Variants in NFYA observed in about 807,000 individuals in gnomAD.
NFYA encodes the protein nuclear transcription factor Y subunit alpha, also known as CAAT-box DNA binding protein subunit A.
In NFYA, 28 loss-of-function variants were observed where a neutral mutation model predicts 52.8. The observed-to-expected ratio is 0.53, with a 90% CI of 0.39 to 0.73. The LOEUF (loss-of-function observed/expected upper bound fraction) is 0.73, where lower values mean the gene tolerates loss of function less well. Among genes scored for constraint, NFYA ranks in the 30% least tolerant of loss-of-function variants. NFYA has a pLI of 0.00. For missense variants in NFYA, 234 were observed against 427.0 expected, an observed-to-expected ratio of 0.55 and a Z score of 3.98; for synonymous variants, 150 against 150.7, an observed-to-expected ratio of 1.00 and a Z score of 0.03.
chr6:41,094,320 A>G, intron 8 of NFYA, 76 bp from the exon 9 acceptor site: 4 of 1,251,460 alleles, frequency 3.2e-6, no homozygotes, highest in Non-Finnish European at 4.6e-6. Flanking sequence ...ACTTTGGAGA[A>G]TGGAATTTGT....
At chr6:41,095,201 T>G (rs1466604789) in intron 9 of NFYA, among the ~76,000 whole-genome samples, 1 of 152,196 alleles carries the variant, frequency 6.6e-6, no homozygotes, top group East Asian at 1.9e-4. Flanking sequence ...TAGACTGACA[T>G]CCAAAGTGCT....
chr6:41,090,552 G>A (rs1764173161), intron 6 of NFYA, among the ~76,000 whole-genome samples: 1 of 152,194 alleles, frequency 6.6e-6, no homozygotes, highest in African/African-American at 2.4e-5. Flanking sequence ...TAAGCTTTTA[G>A]GGAAGAAGTG....
rs1203696681 is a variant in NFYA, at chr6:41,101,042, T to C, written c.*3632T>C. On this transcript the variant is annotated 3_prime_UTR_variant, in exon 10 of 10. Coordinates refer to ENST00000341376, the MANE Select transcript of NFYA (RefSeq NM_002505.5). The stretch of plus-strand genomic sequence containing the variant: ...CAGCCATGGTGACCGGCGAGCGGCA[T>C]GCGACGCCGCCTCTGTGGCCTGTGG... The C allele has an allele frequency of 2.6e-5, 4 of 152,374 alleles. No individual in the cohort carries two copies. In the East Asian group the frequency reaches 7.7e-4, roughly 29 times the overall value. The allele number at this position is 152,374 out of a possible 1,614,324, so 9.4% of individuals were successfully genotyped here. A position where few individuals can be genotyped will look rare whatever the true frequency, so the allele number is the denominator to read the frequency against.
At chr6:41,090,404 C>A in intron 6 of NFYA, 95 bp downstream of exon 6, 1 of 646,368 alleles carries the variant, frequency 1.5e-6, no homozygotes, top group Non-Finnish European at 2.8e-6. Context: ...GTGAACTTGA[C>A]ACTACATATT....
At chr6:41,084,834 C>A (rs947477907) in intron 4 of NFYA, among the ~76,000 whole-genome samples, 2 of 152,118 alleles carry the variant, frequency 1.3e-5, no homozygotes, top group Non-Finnish European at 2.9e-5. Context: ...TGGTGGCACG[C>A]ACCTGTAATC....
intron 4 of NFYA, among the ~76,000 whole-genome samples, chr6:41,087,960 T>C (rs1404012682): frequency 6.6e-6 from 1 of 152,216 alleles, no homozygotes; most frequent in Non-Finnish European, 1.5e-5. Flanking sequence ...TATCCAATCC[T>C]AGGACCAAAT....
At chr6:41,082,624 A>G (rs190065825) in intron 3 of NFYA, among the ~76,000 whole-genome samples, 204 of 152,340 alleles carry the variant, frequency 1.3e-3, no homozygotes, top group Middle Eastern at 3.4e-3. Context: ...AGAAGTGGAA[A>G]CACTTTATGG....
At chr6:41,073,613 T>C (rs540391138) in intron 1 of NFYA, among the ~76,000 whole-genome samples, 1 of 151,766 alleles carries the variant, frequency 6.6e-6, no homozygotes, top group Non-Finnish European at 1.5e-5. Flanking sequence ...CTGCAGCCCC[T>C]CTAGGTCGGG....
In NFYA at chr6:41,084,458, A is replaced by G. The variant is rs76875019; in HGVS notation, c.309+266A>G. On this transcript the variant is annotated intron_variant, in intron 4 of 9. Coordinates refer to ENST00000341376, the MANE Select transcript of NFYA (RefSeq NM_002505.5). ...GAGGTTAGAATCTAGTTTATAGTAT[A>G]TTTTATTTTAAAAGAAACAAAAATG... Among the ~76,000 whole-genome samples the G allele has an allele frequency of 2.8e-3, 421 of 152,336 alleles. 6 individuals carry two copies. In the South Asian group the frequency reaches 0.037, roughly 13 times the overall value.
rs766068359 is a variant in NFYA, at chr6:41,099,953, T to G, written c.*2543T>G. Reference sequence around the variant, plus strand: ...TCATTGCAATTGTTATTTTTTAAAATAAATTTATAAAAATAACCGAAAAGT... The same window carrying G: ...TCATTGCAATTGTTATTTTTTAAAAGAAATTTATAAAAATAACCGAAAAGT... On this transcript the variant is annotated 3_prime_UTR_variant, in exon 10 of 10. Coordinates refer to ENST00000341376, the MANE Select transcript of NFYA (RefSeq NM_002505.5). 1.3e-4 allele frequency: 20 copies of G among 152,184 alleles called. No homozygotes were observed. The highest frequency in any genetic ancestry group is 1.5e-4 in the Non-Finnish European group (10 of 68,026). 9.4% of individuals were successfully genotyped at this position (152,184 alleles called of 1,614,324 possible).
At chr6:41,076,742 G>T (rs543985398) in intron 1 of NFYA, among the ~76,000 whole-genome samples, 4 of 152,180 alleles carry the variant, frequency 2.6e-5, no homozygotes, top group Admixed American at 1.3e-4. Flanking sequence ...ACTAAATCTG[G>T]CTTAGTTTGT....
rs551734913 is a variant in NFYA at position 41,102,108 on chromosome 6, G to C, written c.*4698G>C. 6.6e-6 allele frequency: 1 copy of C among 152,218 alleles called. No homozygotes were observed. The highest frequency in any genetic ancestry group is 1.5e-5 in the Non-Finnish European group (1 of 68,060). The allele number at this position is 152,218 out of a possible 1,614,324, so 9.4% of individuals were successfully genotyped here. ...CTTCAGTTATTACATTAGTGACATC[G>C]TGGAGCGTGAGTGATCATTGTAGGG... On this transcript the variant is annotated 3_prime_UTR_variant, in exon 10 of 10. Transcript: ENST00000341376.
intron 9 of NFYA, 101 bp downstream of exon 9, chr6:41,094,598 T>A: frequency 1.2e-6 from 1 of 806,536 alleles, no homozygotes. Flanking sequence ...ACTCTGGGAC[T>A]ACTCACATTC....
intron 4 of NFYA, among the ~76,000 whole-genome samples, chr6:41,088,651 C>A (rs1177536905): frequency 6.6e-6 from 1 of 151,658 alleles, no homozygotes; most frequent in Non-Finnish European, 1.5e-5. Context: ...TGGTGCGGAT[C>A]TTGGCTCACT....
At chr6:41,092,822 T>G in intron 7 of NFYA, 90 bp from the exon 8 acceptor site, 1 of 1,399,986 alleles carries the variant, frequency 7.1e-7, no homozygotes, top group African/African-American at 1.4e-5. Flanking sequence ...TTGTGGCATT[T>G]ACAAAAAAAA....
intron 1 of NFYA, chr6:41,075,356 T>C (rs1763705147): frequency 6.6e-6 from 1 of 152,342 alleles, no homozygotes; most frequent in South Asian, 2.1e-4. Context: ...TGACCTGAAA[T>C]AGATGTTTTA....
Position 41,097,442 on chromosome 6 carries a change from CAT to C in NFYA, c.*33_*34del. 6.2e-7 allele frequency: 1 copy of C among 1,607,996 alleles called. No homozygotes were observed. Among genetic ancestry groups the C allele is most frequent in the Non-Finnish European group, 8.5e-7 (1 of 1,174,984 alleles). ...GCCATGTGATGGAGCTGATCAAGGT[CAT>C]GTTTCTCACTGTTCCAGGAAATTGA... On this transcript the variant is annotated 3_prime_UTR_variant, in exon 10 of 10. Coordinates refer to ENST00000341376, the MANE Select transcript of NFYA (RefSeq NM_002505.5).
intron 6 of NFYA, 119 bp downstream of exon 6, chr6:41,090,428 A>T (rs1764169271): frequency 1.7e-6 from 1 of 590,618 alleles, no homozygotes; most frequent in Non-Finnish European, 3.1e-6. Flanking sequence ...TGGACAAAAA[A>T]AAAAAAGATT....
At chr6:41,091,828 C>T (rs545682758) in intron 7 of NFYA, 134 bp downstream of exon 7, 165 of 951,018 alleles carry the variant, frequency 1.7e-4, no homozygotes, top group Non-Finnish European at 2.4e-4. Flanking sequence ...TCTACTTTGA[C>T]AATAACATTA....
Sources: gnomAD v4.1 joint callset for allele counts (sites outside exome capture counted in the v4.1 genomes callset) on GRCh38, gnomAD v4.1.1 for gene constraint, MANE v1.5 for transcripts, NCBI Gene and HGNC (gene_info 2026-07-23, HGNC 2026-07-21) for gene names.